Variants in NFKB2 observed in about 807,000 individuals in gnomAD.
The protein encoded by NFKB2 is nuclear factor kappa B subunit 2, also known as nuclear factor NF-kappa-B p100 subunit.
A neutral mutation model predicts 109.3 loss-of-function variants in NFKB2; 21 were observed. The observed-to-expected ratio is 0.19, with a 90% confidence interval of 0.14 to 0.28. The LOEUF is 0.28. Ranked by LOEUF, NFKB2 falls within the 10% of genes least tolerant of loss-of-function variation. NFKB2 has a pLI of 1.00. For synonymous variants in NFKB2, 478 were observed against 489.9 expected, an observed-to-expected ratio of 0.98 and a Z score of 0.32; for missense variants, 806 against 1,185.3, an observed-to-expected ratio of 0.68 and a Z score of 4.70.
chr10:102,401,033 C>T lies in NFKB2; in HGVS notation c.2055C>T (p.Arg685=), dbSNP rs1295937322. The change falls in exon 18 of 23, where the codon CGC becomes CGT. Residue 685 remains arginine, a synonymous_variant. Transcript: ENST00000661543. The surrounding 1 kb of genome is among the most constrained non-coding windows in gnomAD (Gnocchi z 4.2). Reference sequence around the variant, plus strand: ...GACTGGGGTACCCGACCCTCACCCGCCTCCTTCTGAAGGCTGGTCAGTCTC... The same window carrying T: ...GACTGGGGTACCCGACCCTCACCCGTCTCCTTCTGAAGGCTGGTCAGTCTC... ...AAGLGYPTLT[R]LLLKAGADIH... is the part of the protein sequence containing the mutation. 2.5e-6 allele frequency: 4 copies of T among 1,614,108 alleles called. No homozygotes were observed. The highest frequency in any genetic ancestry group is 3.3e-5 in the Admixed American group (2 of 60,014).
Position 102,396,695 on chromosome 10 carries a change from C to A in NFKB2, c.145-30C>A. Reference sequence around the variant, plus strand: ...GCTGGCCTGGGTGGTCTTCCCTGATCACAATGCTACTATGCCCTTGGACCT... The same window carrying A: ...GCTGGCCTGGGTGGTCTTCCCTGATAACAATGCTACTATGCCCTTGGACCT... On this transcript the variant is annotated intron_variant, in intron 4 of 22. Transcript: ENST00000661543. This position sits in a 1 kb window ranked among gnomAD's most constrained non-coding sequence, Gnocchi z 5.9. The A allele has an allele frequency of 6.2e-7, 1 of 1,600,150 alleles. No homozygotes were observed. The highest frequency in any genetic ancestry group is 1.1e-5 in the South Asian group (1 of 90,688).
Position 102,402,384 on chromosome 10 carries a change from C to T in NFKB2, c.*8C>T, listed in dbSNP as rs770086687. On this transcript the variant is annotated 3_prime_UTR_variant, in exon 23 of 23. Transcript: ENST00000661543. ...CAGCCTCAGGTGCACTGACCTGCTG[C>T]CTGCCCCCAGCCCCCTTCCCGGACC... The T allele has an allele frequency of 2.0e-6, 3 of 1,514,298 alleles. No individual in the cohort carries two copies. The highest frequency in any genetic ancestry group is 2.6e-5 in the South Asian group (2 of 76,722). 93.8% of individuals were successfully genotyped at this position (1,514,298 alleles called of 1,614,324 possible).
In NFKB2 at chr10:102,397,415, G is replaced by A; in HGVS notation, c.502+7G>A. On this transcript the variant is annotated splice_region_variant and intron_variant, in intron 7 of 22. Transcript: ENST00000661543. The surrounding 1 kb of genome is among the most constrained non-coding windows in gnomAD (Gnocchi z 4.7). ...AGGCCCCAGGGCCTTACGGGTATGG[G>A]TGCAGGGGGTGGGTCGGGTATGGGT... The A allele has an allele frequency of 6.2e-7, 1 of 1,607,502 alleles. No individual in the cohort carries two copies. Among genetic ancestry groups the A allele is most frequent in the Non-Finnish European group, 8.5e-7 (1 of 1,176,086 alleles).
chr10:102,399,986 G>A, intron 14 of NFKB2, 94 bp from the exon 15 acceptor site: 1 of 1,318,672 alleles, frequency 7.6e-7, no homozygotes, highest in South Asian at 1.2e-5. Flanking sequence ...TGGGTTCCAT[G>A]GGCCCCAGCG....
In NFKB2 at chr10:102,400,096, A is replaced by G; in HGVS notation, c.1486A>G (p.Ile496Val). The change falls in exon 15 of 23, where the codon ATC becomes GTC. Residue 496 changes from isoleucine (I) to valine (V), a missense_variant. Ile to Val is a conservative substitution (Grantham distance 29). Transcript: ENST00000661543. This position sits in a 1 kb window ranked among gnomAD's most constrained non-coding sequence, Gnocchi z 6.3. ...ENGDTPLHLA[I>V]IHGQTSVIEQ... ...AACCCCCAGACCACTGCACCTAGCCATCATCCACGGGCAGACCAGTGTCAT... is the reference window on the plus strand; with the variant it reads ...AACCCCCAGACCACTGCACCTAGCCGTCATCCACGGGCAGACCAGTGTCAT... The G allele has an allele frequency of 6.2e-7, 1 of 1,614,018 alleles. No individual in the cohort carries two copies. Among genetic ancestry groups the G allele is most frequent in the South Asian group, 1.1e-5 (1 of 91,082 alleles).
chr10:102,401,931 T>C lies in NFKB2; in HGVS notation c.2466+14T>C. 1 of 1,605,724 alleles carries C rather than the reference T, an allele frequency of 6.2e-7. No individual in the cohort carries two copies. The highest frequency in any genetic ancestry group is 8.5e-7 in the Non-Finnish European group (1 of 1,175,112). On this transcript the variant is annotated intron_variant, in intron 21 of 22. Coordinates refer to ENST00000661543, the MANE Select transcript of NFKB2 (RefSeq NM_001322934.2). The surrounding 1 kb of genome is among the most constrained non-coding windows in gnomAD (Gnocchi z 4.2). The stretch of plus-strand genomic sequence containing the variant: ...CGCAGCTACGAGGTGGGTTGGCCTG[T>C]GCCCTGCCCCCTCCCCAGCCTCCTT...
At position 102,396,293 on chromosome 10, in the gene NFKB2, A is replaced by G. The variant is rs577190240; in HGVS notation, c.62A>G (p.Asn21Ser). The G allele has an allele frequency of 2.6e-5, 42 of 1,611,966 alleles. No homozygotes were observed. The highest frequency in any genetic ancestry group is 1.1e-4 in the East Asian group (5 of 44,812). ...GIIEYDDFKL[N>S]SSIVEPKEPA... is the part of the protein sequence containing the mutation. ...ATTGAATATGATGATTTCAAATTGA[A>G]CTCCTCCATTGTGGAACCCAAGGAG... Residue 21 changes from asparagine (N) to serine (S), a missense_variant, in exon 3 of 23, where the codon AAC becomes AGC. Asn to Ser is a conservative substitution (Grantham distance 46). Around this residue, in one of 10 missense-constraint regions of NFKB2, gnomAD observed 39 missense variants for 35.6 expected, o/e 1.09. Coordinates refer to ENST00000661543, the MANE Select transcript of NFKB2 (RefSeq NM_001322934.2). This position sits in a 1 kb window ranked among gnomAD's most constrained non-coding sequence, Gnocchi z 5.9.
chr10:102,397,500 G>C lies in NFKB2; in HGVS notation c.503-27G>C, dbSNP rs116607432. 2,435 of 1,609,972 alleles carry C rather than the reference G, an allele frequency of 1.5e-3. 16 individuals carry two copies. The African/African-American group carries it at 0.019, about 13-fold the overall frequency. Reference sequence around the variant, plus strand: ...GAAGGAGCAGGGAGGGAGAAGCCCAGGGGTCACACATGTACCTACTGCCCA... The same window carrying C: ...GAAGGAGCAGGGAGGGAGAAGCCCACGGGTCACACATGTACCTACTGCCCA... On this transcript the variant is annotated intron_variant, in intron 7 of 22. Coordinates refer to ENST00000661543, the MANE Select transcript of NFKB2 (RefSeq NM_001322934.2). This position sits in a 1 kb window ranked among gnomAD's most constrained non-coding sequence, Gnocchi z 4.7.
In NFKB2 at chr10:102,398,201, T is replaced by G. The variant is rs1333594351; in HGVS notation, c.767-11T>G. The G allele has an allele frequency of 6.2e-7, 1 of 1,614,114 alleles. No individual in the cohort carries two copies. Among genetic ancestry groups the G allele is most frequent in the South Asian group, 1.1e-5 (1 of 91,068 alleles). The stretch of plus-strand genomic sequence containing the variant: ...CCGGGAGCTGTGGCCAAGCTTCCGT[T>G]TTCCTTGTAGATGACATTGAGGTTC... On this transcript the variant is annotated splice_polypyrimidine_tract_variant and intron_variant, in intron 9 of 22. Transcript: ENST00000661543. The surrounding 1 kb of genome is among the most constrained non-coding windows in gnomAD (Gnocchi z 6.6).
In NFKB2 at chr10:102,397,393, C is replaced by A. The variant is rs1435681532; in HGVS notation, c.487C>A (p.Pro163Thr). The A allele has an allele frequency of 1.2e-6, 2 of 1,612,928 alleles. No homozygotes were observed. Among genetic ancestry groups the A allele is most frequent in the African/African-American group, 1.3e-5 (1 of 74,758 alleles). ...TCAGAGGCAGCGGCTCCGCTCTAGGCCCCAGGGCCTTACGGGTATGGGTGC... is the reference window on the plus strand; with the variant it reads ...TCAGAGGCAGCGGCTCCGCTCTAGGACCCAGGGCCTTACGGGTATGGGTGC... ...KLQRQRLRSR[P>T]QGLTEAEQRE... Residue 163 changes from proline (P) to threonine (T), a missense_variant, in exon 7 of 23, where the codon CCC (proline) becomes ACC (threonine). Coordinates refer to ENST00000661543, the MANE Select transcript of NFKB2 (RefSeq NM_001322934.2). The surrounding 1 kb of genome is among the most constrained non-coding windows in gnomAD (Gnocchi z 4.7).
rs755787563 is a variant in NFKB2 at position 102,401,998 on chromosome 10, C to T, written c.2467-50C>T. Reference sequence around the variant, plus strand: ...GGTGCCTCCTTGGCCCCAGGGCTCCCGAGCACATGCCCTAACCATGACTCA... The same window carrying T: ...GGTGCCTCCTTGGCCCCAGGGCTCCTGAGCACATGCCCTAACCATGACTCA... On this transcript the variant is annotated intron_variant, in intron 21 of 22. Transcript: ENST00000661543. This position sits in a 1 kb window ranked among gnomAD's most constrained non-coding sequence, Gnocchi z 4.2. 1.9e-5 allele frequency: 30 copies of T among 1,577,714 alleles called. No homozygotes were observed. Among genetic ancestry groups the T allele is most frequent in the Middle Eastern group, 1.7e-4 (1 of 6,020 alleles).
upstream of NFKB2, among the ~76,000 whole-genome samples, chr10:102,395,101 T>TGGGG (rs11306069): frequency 4.9e-5 from 1 of 20,606 alleles, no homozygotes; most frequent in Non-Finnish European, 9.9e-5. Context: ...TTGTATTAGG[T>TGGGG]GGGGGGGGGG....
In NFKB2 at chr10:102,399,606, C is replaced by G; in HGVS notation, c.1357C>G (p.Leu453Val). 1.3e-6 allele frequency: 2 copies of G among 1,548,610 alleles called. No individual in the cohort carries two copies. The highest frequency in any genetic ancestry group is 1.7e-6 in the Non-Finnish European group (2 of 1,146,560). The stretch of plus-strand genomic sequence containing the variant: ...AGAGTACAACGCGCGCCTGTTCGGC[C>G]TGGCGCAGCGCAGCGCCCGAGCCCT... Reference protein sequence around the residue: ...AREYNARLFGLAQRSARALLD... With the variant: ...AREYNARLFGVAQRSARALLD... Residue 453 changes from leucine (L) to valine (V), a missense_variant, in exon 14 of 23, where the codon CTG becomes GTG. Leu to Val is a conservative substitution (Grantham distance 32, BLOSUM62 1). Coordinates refer to ENST00000661543, the MANE Select transcript of NFKB2 (RefSeq NM_001322934.2).
Position 102,402,166 on chromosome 10 carries a change from G to T in NFKB2, c.2578+7G>T. On this transcript the variant is annotated splice_region_variant and intron_variant, in intron 22 of 22. Transcript: ENST00000661543. ...GACAAGCTGCCCAGCACAGGTAAAG[G>T]GGCCTCCCTGGAAGGTGGATCTGGA... The T allele has an allele frequency of 1.3e-6, 2 of 1,563,396 alleles. No homozygotes were observed. Among genetic ancestry groups the T allele is most frequent in the Non-Finnish European group, 1.7e-6 (2 of 1,153,378 alleles).
chr10:102,401,496 CCT>C lies in NFKB2; in HGVS notation c.2272_2273del (p.Leu758AspfsTer14). The C allele has an allele frequency of 6.2e-7, 1 of 1,613,476 alleles. No individual in the cohort carries two copies. Among genetic ancestry groups the C allele is most frequent in the Non-Finnish European group, 8.5e-7 (1 of 1,179,960 alleles). ...CTGCTCAGAACACCATGGAGCCACC[CCT>C]GACCCCGCCCAGCCCAGCAGGTGAG... ...NAAQNTMEPP[L>X]TPPSPAGPGL... On this transcript the variant is annotated frameshift_variant, in exon 20 of 23. Coordinates refer to ENST00000661543, the MANE Select transcript of NFKB2 (RefSeq NM_001322934.2). LOFTEE classifies it high-confidence loss of function. This position sits in a 1 kb window ranked among gnomAD's most constrained non-coding sequence, Gnocchi z 4.2.
At chr10:102,395,864 C>T in intron 1 of NFKB2, 24 bp from the exon 2 acceptor site, 1 of 1,282,564 alleles carries the variant, frequency 7.8e-7, no homozygotes, top group Admixed American at 1.7e-5. Flanking sequence ...ACCCCCTCCC[C>T]CACGCCACTC....
rs375246813 is a variant in NFKB2, at chr10:102,400,955, C to A, written c.1977C>A (p.Ala659=). 7 of 1,613,220 alleles carry A rather than the reference C, an allele frequency of 4.3e-6. No individual in the cohort carries two copies. The highest frequency in any genetic ancestry group is 5.9e-6 in the Non-Finnish European group (7 of 1,179,674). The change falls in exon 18 of 23, where the codon GCC becomes GCA. Residue 659 remains alanine, a synonymous_variant. Transcript: ENST00000661543. This position sits in a 1 kb window ranked among gnomAD's most constrained non-coding sequence, Gnocchi z 6.3. ...GCTGCTCGCACCCCCAGCTCCGGGC[C>A]AACGTGAACGCTCGCACCTTTGCGG... The part of the protein sequence containing the change: ...LVTHLVTKLR[A]NVNARTFAGN...
Position 102,396,293 on chromosome 10 carries a change from ACTC to A in NFKB2, c.67_69del (p.Ser23del). 2 of 1,612,084 alleles carry A rather than the reference ACTC, an allele frequency of 1.2e-6. No homozygotes were observed. The highest frequency in any genetic ancestry group is 1.7e-6 in the Non-Finnish European group (2 of 1,178,910). On this transcript the variant is annotated inframe_deletion, in exon 3 of 23. Coordinates refer to ENST00000661543, the MANE Select transcript of NFKB2 (RefSeq NM_001322934.2). The surrounding 1 kb of genome is among the most constrained non-coding windows in gnomAD (Gnocchi z 5.9). ...ATTGAATATGATGATTTCAAATTGA[ACTC>A]CTCCATTGTGGAACCCAAGGAGCCA...
Position 102,396,817 on chromosome 10 carries a change from T to C in NFKB2, c.237T>C (p.Thr79=). 3 of 1,611,126 alleles carry C rather than the reference T, an allele frequency of 1.9e-6. No individual in the cohort carries two copies. The highest frequency in any genetic ancestry group is 1.1e-5 in the South Asian group (1 of 91,044). Residue 79 remains threonine (T), a synonymous_variant, in exon 5 of 23, where the codon ACT becomes ACC. Transcript: ENST00000661543. This position sits in a 1 kb window ranked among gnomAD's most constrained non-coding sequence, Gnocchi z 5.9. ...SSEKGRKTYP[T]VKICNYEGPA... is the part of the protein sequence containing the mutation. ...AGAAGGGCCGAAAGACCTATCCCAC[T>C]GTCAAGGTGAGCCAGGATGGTGCTG... is the stretch of plus-strand genomic sequence containing the variant.
Sources: gnomAD v4.1 joint callset for allele counts (sites outside exome capture counted in the v4.1 genomes callset) on GRCh38, gnomAD v4.1.1 for gene constraint, gnomAD v4.1.1 regional missense constraint, Gnocchi (gnomAD v3.1) non-coding constraint, MANE v1.5 for transcripts, NCBI Gene and HGNC (gene_info 2026-07-23, HGNC 2026-07-21) for gene names.